OR5AS1: variants seen among roughly 807,000 people sequenced by gnomAD.
The protein encoded by OR5AS1 is olfactory receptor 5AS1.
For synonymous variants in OR5AS1, 196 were observed against 141.7 expected, an observed-to-expected ratio of 1.38 and a Z score of -2.72; for missense variants, 492 against 378.2, an observed-to-expected ratio of 1.30 and a Z score of -2.50.
rs919007536 is a variant in OR5AS1 at position 56,031,753 on chromosome 11, C to T, written c.*360C>T. ...CTTGTTTTTTCCACCACCTGTTTGGCACCTGGTATACTGCATGTCTTCCTT... is the reference window on the plus strand; with the variant it reads ...CTTGTTTTTTCCACCACCTGTTTGGTACCTGGTATACTGCATGTCTTCCTT... On this transcript the variant is annotated 3_prime_UTR_variant, in exon 2 of 2. Coordinates refer to ENST00000641320, the MANE Select transcript of OR5AS1 (RefSeq NM_001001921.2). The T allele has an allele frequency of 2.9e-5, 5 of 170,570 alleles. No homozygotes were observed. The highest frequency in any genetic ancestry group is 1.2e-4 in the African/African-American group (5 of 41,708). The allele number at this position is 170,570 out of a possible 1,614,324, so 10.6% of individuals were successfully genotyped here.
At position 56,030,822 on chromosome 11, in the gene OR5AS1, T is replaced by C; in HGVS notation, c.404T>C (p.Leu135Pro). ...AICNPLLYTT[L>P]MSRRVCVCFI... ...TGCAACCCACTGCTCTATACTACAC[T>C]GATGTCTAGGAGAGTCTGTGTCTGC... The change falls in exon 2 of 2, where the codon CTG (leucine) becomes CCG (proline). Residue 135 changes from leucine (L) to proline (P), a missense_variant. Physicochemically the swap from Leu to Pro is moderately conservative, Grantham distance 98 (BLOSUM62 -3). Coordinates refer to ENST00000641320, the MANE Select transcript of OR5AS1 (RefSeq NM_001001921.2). 6.2e-7 allele frequency: 1 copy of C among 1,613,784 alleles called. No individual in the cohort carries two copies. Among genetic ancestry groups the C allele is most frequent in the Non-Finnish European group, 8.5e-7 (1 of 1,179,702 alleles).
rs1384399353 is a variant in OR5AS1 at position 56,034,780 on chromosome 11, C to G, written c.*3387C>G. ...CATGTAACACCACAAAGATACACCT[C>G]AAGAAGAGCAACCCCCAGACACATA... is the stretch of plus-strand genomic sequence containing the variant. On this transcript the variant is annotated 3_prime_UTR_variant, in exon 2 of 2. Transcript: ENST00000641320. 1 of 152,008 alleles carries G rather than the reference C, an allele frequency of 6.6e-6. No homozygotes were observed. The highest frequency in any genetic ancestry group is 2.4e-5 in the African/African-American group (1 of 41,314). The allele number at this position is 152,008 out of a possible 1,614,324, so 9.4% of individuals were successfully genotyped here.
rs1488895470 is a variant in OR5AS1, at chr11:56,030,759, T to C, written c.341T>C (p.Ile114Thr). 6.2e-7 allele frequency: 1 copy of C among 1,613,684 alleles called. No homozygotes were observed. Among genetic ancestry groups the C allele is most frequent in the South Asian group, 1.1e-5 (1 of 91,086 alleles). Residue 114 changes from isoleucine to threonine, a missense_variant, in exon 2 of 2, where the codon ATC (isoleucine) becomes ACC (threonine). By Grantham distance (89) the Ile-to-Thr change is moderately conservative. Transcript: ENST00000641320. Reference protein sequence around the residue: ...FASFADAECLILAAMAYDRYA... With the variant: ...FASFADAECLTLAAMAYDRYA... Reference sequence around the variant, plus strand: ...TCTTTTGCTGATGCTGAGTGCCTTATCCTGGCAGCAATGGCTTATGACCGC... The same window carrying C: ...TCTTTTGCTGATGCTGAGTGCCTTACCCTGGCAGCAATGGCTTATGACCGC...
At position 56,031,112 on chromosome 11, in the gene OR5AS1, G is replaced by C. The variant is rs1348454394; in HGVS notation, c.694G>C (p.Gly232Arg). The stretch of plus-strand genomic sequence containing the variant: ...CACTGTGTTGAGCATCAAGTCCTCA[G>C]GTGGCAGAAGCAAAACATTCTCCAC... ...LITVLSIKSS[G>R]GRSKTFSTCA... is the part of the protein sequence containing the mutation. Residue 232 changes from glycine (G) to arginine (R), a missense_variant, in exon 2 of 2, where the codon GGT (glycine) becomes CGT (arginine). Gly to Arg is a moderately radical substitution (Grantham distance 125). Transcript: ENST00000641320. The C allele has an allele frequency of 1.9e-6, 3 of 1,613,888 alleles. No individual in the cohort carries two copies. The highest frequency in any genetic ancestry group is 2.2e-5 in the East Asian group (1 of 44,882).
rs1177722647 is a variant in OR5AS1, at chr11:56,032,296, G to T, written c.*903G>T. On this transcript the variant is annotated 3_prime_UTR_variant, in exon 2 of 2. Transcript: ENST00000641320. ...TCATGTTGCTAACATAGTCTTTGAGGCTCTATCTTCAAGAAGAGGTGAAAA... is the reference window on the plus strand; with the variant it reads ...TCATGTTGCTAACATAGTCTTTGAGTCTCTATCTTCAAGAAGAGGTGAAAA... 6.6e-6 allele frequency: 1 copy of T among 152,020 alleles called. No individual in the cohort carries two copies. Among genetic ancestry groups the T allele is most frequent in the East Asian group, 1.9e-4 (1 of 5,194 alleles). The allele number at this position is 152,020 out of a possible 1,614,324, so 9.4% of individuals were successfully genotyped here. A position where few individuals can be genotyped will look rare whatever the true frequency, so the allele number is the denominator to read the frequency against.
rs1039702828 is a variant in OR5AS1 at position 56,037,291 on chromosome 11, G to C, written c.*5898G>C. On this transcript the variant is annotated 3_prime_UTR_variant, in exon 2 of 2. Transcript: ENST00000641320. The stretch of plus-strand genomic sequence containing the variant: ...AATCAGGCAAGATAAAGAAATAAAG[G>C]ATATTCAAATAGGAAAAGAGGAAGT... 1.3e-5 allele frequency: 2 copies of C among 152,058 alleles called. No homozygotes were observed. The highest frequency in any genetic ancestry group is 2.9e-5 in the Non-Finnish European group (2 of 68,030). The allele number at this position is 152,058 out of a possible 1,614,324, so 9.4% of individuals were successfully genotyped here.
Position 56,036,940 on chromosome 11 carries a change from TGG to T in OR5AS1, c.*5549_*5550del, listed in dbSNP as rs1387548786. 20 of 152,110 alleles carry T rather than the reference TGG, an allele frequency of 1.3e-4. No individual in the cohort carries two copies. Among genetic ancestry groups the T allele is most frequent in the Admixed American group, 1.3e-3 (20 of 15,262 alleles). The allele number at this position is 152,110 out of a possible 1,614,324, so 9.4% of individuals were successfully genotyped here. A position where few individuals can be genotyped will look rare whatever the true frequency, so the allele number is the denominator to read the frequency against. On this transcript the variant is annotated 3_prime_UTR_variant, in exon 2 of 2. Transcript: ENST00000641320. Reference sequence around the variant, plus strand: ...CCACCAATCAAATTGGCTTTATCCCTGGGATGCAAGGCTGGCTTAACATACGC... The same window carrying T: ...CCACCAATCAAATTGGCTTTATCCCTGATGCAAGGCTGGCTTAACATACGC...
rs533086094 is a variant in OR5AS1 at position 56,032,237 on chromosome 11, A to G, written c.*844A>G. ...AAACAAGTTTGTGAATACTATCAAG[A>G]TTATAAACTGTAGAATTTCCTAATT... On this transcript the variant is annotated 3_prime_UTR_variant, in exon 2 of 2. Transcript: ENST00000641320. 1.3e-5 allele frequency: 2 copies of G among 152,214 alleles called. No homozygotes were observed. The highest frequency in any genetic ancestry group is 4.1e-4 in the South Asian group (2 of 4,826). 9.4% of individuals were successfully genotyped at this position (152,214 alleles called of 1,614,324 possible).
Position 56,030,579 on chromosome 11 carries a change from G to A in OR5AS1, c.161G>A (p.Ser54Asn), listed in dbSNP as rs771262738. The change falls in exon 2 of 2, where the codon AGC (serine) becomes AAC (asparagine). Residue 54 changes from serine to asparagine, a missense_variant. Ser to Asn is a conservative substitution (Grantham distance 46, BLOSUM62 1). Transcript: ENST00000641320. Reference protein sequence around the residue: ...LLIILVNINSSLQIPMYYFLS... With the variant: ...LLIILVNINSNLQIPMYYFLS... ...ATAATTCTAGTTAATATTAATTCAA[G>A]CCTTCAAATTCCCATGTATTATTTT... 8.4e-6 allele frequency: 13 copies of A among 1,548,916 alleles called. No individual in the cohort carries two copies. The highest frequency in any genetic ancestry group is 1.7e-4 in the Middle Eastern group (1 of 5,744).
chr11:56,029,250 G>C (rs143405651), intron 1 of OR5AS1, among the ~76,000 whole-genome samples: 4 of 151,954 alleles, frequency 2.6e-5, no homozygotes, highest in Admixed American at 2.6e-4. Context: ...CTAGCTTCCT[G>C]CTTAATATTC....
chr11:56,028,128 A>C (rs951701774), intron 1 of OR5AS1, among the ~76,000 whole-genome samples: 3 of 152,200 alleles, frequency 2.0e-5, no homozygotes, highest in African/African-American at 7.2e-5. Context: ...ACAAACTAGG[A>C]GAATTTGTCA....
Position 56,030,617 on chromosome 11 carries a change from T to G in OR5AS1, c.199T>G (p.Ser67Ala). ...CATGTATTATTTTCTTAGCAACTTA[T>G]CTTTCTTAGACATCAGCTGTTCTAC... is the stretch of plus-strand genomic sequence containing the variant. ...IPMYYFLSNL[S>A]FLDISCSTAI... The change falls in exon 2 of 2, where the codon TCT (serine) becomes GCT (alanine). Residue 67 changes from serine (S) to alanine (A), a missense_variant. Physicochemically the swap from Ser to Ala is moderately conservative, Grantham distance 99. Coordinates refer to ENST00000641320, the MANE Select transcript of OR5AS1 (RefSeq NM_001001921.2). The G allele has an allele frequency of 6.5e-7, 1 of 1,548,620 alleles. No homozygotes were observed. Among genetic ancestry groups the G allele is most frequent in the Non-Finnish European group, 8.7e-7 (1 of 1,151,234 alleles).
chr11:56,036,299 G>T lies in OR5AS1; in HGVS notation c.*4906G>T, dbSNP rs1853404046. 1 of 151,904 alleles carries T rather than the reference G, an allele frequency of 6.6e-6. No individual in the cohort carries two copies. Among genetic ancestry groups the T allele is most frequent in the Admixed American group, 6.6e-5 (1 of 15,232 alleles). 9.4% of individuals were successfully genotyped at this position (151,904 alleles called of 1,614,324 possible). On this transcript the variant is annotated 3_prime_UTR_variant, in exon 2 of 2. Coordinates refer to ENST00000641320, the MANE Select transcript of OR5AS1 (RefSeq NM_001001921.2). ...CTAAGATCAGAGCAGAACTGAAGGA[G>T]ATAGAGACATGAAAAACCCTTCAAA... is the stretch of plus-strand genomic sequence containing the variant.
chr11:56,027,913 T>C (rs756042401), intron 1 of OR5AS1, among the ~76,000 whole-genome samples: 1 of 149,874 alleles, frequency 6.7e-6, no homozygotes, highest in Non-Finnish European at 1.5e-5. Flanking sequence ...ACCTTATCCA[T>C]GGCAATTAGA....
In OR5AS1 at chr11:56,031,162, C is replaced by T. The variant is rs1402010981; in HGVS notation, c.744C>T (p.Val248=). The part of the protein sequence containing the change: ...FSTCASHLIA[V]TLFYGALLFM... ...CTTGTGCTTCCCACCTCATAGCAGT[C>T]ACCTTATTCTATGGAGCGCTCCTGT... is the stretch of plus-strand genomic sequence containing the variant. The change falls in exon 2 of 2, where the codon GTC becomes GTT. Residue 248 remains valine, a synonymous_variant. Coordinates refer to ENST00000641320, the MANE Select transcript of OR5AS1 (RefSeq NM_001001921.2). 2 of 1,614,082 alleles carry T rather than the reference C, an allele frequency of 1.2e-6. No homozygotes were observed. The highest frequency in any genetic ancestry group is 4.5e-5 in the East Asian group (2 of 44,882).
intron 1 of OR5AS1, among the ~76,000 whole-genome samples, chr11:56,029,599 G>A (rs137872988): frequency 8.6e-5 from 13 of 151,696 alleles, no homozygotes; most frequent in African/African-American, 2.9e-4. Flanking sequence ...TGATGTCAAA[G>A]ACAAGATGAA....
chr11:56,029,100 A>G (rs1853322391), intron 1 of OR5AS1, among the ~76,000 whole-genome samples: 1 of 152,048 alleles, frequency 6.6e-6, no homozygotes, highest in South Asian at 2.1e-4. Context: ...TCTTTTCGGT[A>G]CATTTAGAAG....
chr11:56,030,703 T>C lies in OR5AS1; in HGVS notation c.285T>C (p.Tyr95=), dbSNP rs753882911. The change falls in exon 2 of 2, where the codon TAT becomes TAC. Residue 95 remains tyrosine, a synonymous_variant. Transcript: ENST00000641320. ...CATCCAGGAAAAGCATCTCTCCTTATGGGTGTGCACTACAAATGTTTTTCT... is the reference window on the plus strand; with the variant it reads ...CATCCAGGAAAAGCATCTCTCCTTACGGGTGTGCACTACAAATGTTTTTCT... The part of the protein sequence containing the change: ...FLASRKSISP[Y]GCALQMFFFA... 24 of 1,608,354 alleles carry C rather than the reference T, an allele frequency of 1.5e-5. No homozygotes were observed. Among genetic ancestry groups the C allele is most frequent in the East Asian group, 4.5e-5 (2 of 44,810 alleles).
rs4278534 is a variant in OR5AS1 at position 56,036,488 on chromosome 11, A to T, written c.*5095A>T. ...CCACAGAAATACAAACTACCATCAG[A>T]GAATACTATAAACACCTCCACACAA... On this transcript the variant is annotated 3_prime_UTR_variant, in exon 2 of 2. Coordinates refer to ENST00000641320, the MANE Select transcript of OR5AS1 (RefSeq NM_001001921.2). 0.11 allele frequency: 16,022 copies of T among 152,182 alleles called. 1,063 individuals carry two copies. Among genetic ancestry groups the T allele is most frequent in the East Asian group, 0.16 (822 of 5,180 alleles). 9.4% of individuals were successfully genotyped at this position (152,182 alleles called of 1,614,324 possible).
Sources: gnomAD v4.1 joint callset for allele counts (sites outside exome capture counted in the v4.1 genomes callset) on GRCh38, gnomAD v4.1.1 for gene constraint, MANE v1.5 for transcripts, NCBI Gene and HGNC (gene_info 2026-07-23, HGNC 2026-07-21) for gene names.